The following FNIP1 variants were observed in gnomAD, a reference collection of about 807,000 sequenced individuals.
FNIP1 encodes the protein folliculin interacting protein 1, also known as folliculin-interacting protein 1.
In FNIP1, 40 loss-of-function variants were observed where a neutral mutation model predicts 124.5. That is an observed-to-expected ratio of 0.32 (90% CI 0.25 to 0.42). The LOEUF (loss-of-function observed/expected upper bound fraction) is 0.42. Among genes scored for constraint, FNIP1 ranks in the 10% least tolerant of loss-of-function variants. FNIP1 has a pLI of 1.00. For synonymous variants in FNIP1, 472 were observed against 470.6 expected (o/e 1.00, Z -0.04); for missense variants, 1,176 against 1,403.7 (o/e 0.84, Z 2.59).
intron 15 of FNIP1, among the ~76,000 whole-genome samples, chr5:131,665,822 C>G (rs1006544630): frequency 2.0e-5 from 3 of 151,772 alleles, no homozygotes; most frequent in Non-Finnish European, 4.4e-5. Context: ...AACTCTTGAC[C>G]TCATGATCTG....
intron 3 of FNIP1, among the ~76,000 whole-genome samples, chr5:131,727,537 T>C (rs888597922): frequency 2.0e-5 from 3 of 152,220 alleles, no homozygotes; most frequent in Non-Finnish European, 4.4e-5. Flanking sequence ...TTGGTAAATA[T>C]TCCTCTATCC....
At chr5:131,673,214 ATTTTTTGTATTTTTTT>A (rs1001058273) in intron 13 of FNIP1, among the ~76,000 whole-genome samples, 1 of 150,126 alleles carries the variant, frequency 6.7e-6, no homozygotes, top group Non-Finnish European at 1.5e-5. Flanking sequence ...TGCCTGGCTA[ATTTTTTGTATTTTTTT>A]TTTTTTGTAG....
chr5:131,767,451 A>G (rs956343862), intron 1 of FNIP1, among the ~76,000 whole-genome samples: 3 of 150,478 alleles, frequency 2.0e-5, no homozygotes, highest in Non-Finnish European at 4.4e-5. Context: ...AAAAAAAAAA[A>G]AAAAAGAAAA....
chr5:131,770,023 C>A (rs1771575609), intron 1 of FNIP1, among the ~76,000 whole-genome samples: 1 of 152,220 alleles, frequency 6.6e-6, no homozygotes, highest in Admixed American at 6.5e-5. Context: ...AGGTCTTCAA[C>A]AATCCGTATC....
At chr5:131,785,411 C>T (rs1038285824) in intron 1 of FNIP1, among the ~76,000 whole-genome samples, 2 of 151,490 alleles carry the variant, frequency 1.3e-5, no homozygotes, top group African/African-American at 2.4e-5. Flanking sequence ...AAAAATTGGC[C>T]GGGCGTGATG....
chr5:131,755,117 G>A (rs1009183811), intron 1 of FNIP1, among the ~76,000 whole-genome samples: 3 of 152,112 alleles, frequency 2.0e-5, no homozygotes, highest in African/African-American at 4.8e-5. Flanking sequence ...ATGTGCAACC[G>A]ATTGATGAAA....
At chr5:131,675,400 C>T (rs1393777867) in intron 13 of FNIP1, among the ~76,000 whole-genome samples, 1 of 152,134 alleles carries the variant, frequency 6.6e-6, no homozygotes, top group Non-Finnish European at 1.5e-5. Flanking sequence ...TCTTTACAGC[C>T]TCTGTGCTTT....
At chr5:131,713,941 G>GA (rs1769384703) in intron 6 of FNIP1, among the ~76,000 whole-genome samples, 3 of 152,298 alleles carry the variant, frequency 2.0e-5, no homozygotes, top group Admixed American at 6.5e-5. Flanking sequence ...ACTGCAGTTA[G>GA]AATATTCTTC....
chr5:131,651,081 T>C (rs1295127118), intron 16 of FNIP1, among the ~76,000 whole-genome samples: 1 of 148,624 alleles, frequency 6.7e-6, no homozygotes, highest in Non-Finnish European at 1.5e-5. Flanking sequence ...ATAGACTGGA[T>C]GGATTAAAAA....
intron 1 of FNIP1, among the ~76,000 whole-genome samples, chr5:131,765,259 C>A (rs982207263): frequency 1.1e-4 from 16 of 152,006 alleles, no homozygotes; most frequent in African/African-American, 3.9e-4. Context: ...ACTTTTCTTT[C>A]AGTTAATGGA....
chr5:131,764,063 A>C (rs1771337118), intron 1 of FNIP1, among the ~76,000 whole-genome samples: 1 of 151,924 alleles, frequency 6.6e-6, no homozygotes, highest in Non-Finnish European at 1.5e-5. Flanking sequence ...CTGGTTGTTT[A>C]AAAGCGTGTG....
intron 1 of FNIP1, among the ~76,000 whole-genome samples, chr5:131,785,870 T>A (rs545648084): frequency 1.3e-5 from 2 of 152,158 alleles, no homozygotes; most frequent in Admixed American, 6.5e-5. Flanking sequence ...ATATTTAAAT[T>A]ATTCACAAAT....
chr5:131,668,781 G>C (rs373873331), intron 15 of FNIP1, among the ~76,000 whole-genome samples: 1 of 152,198 alleles, frequency 6.6e-6, no homozygotes, highest in Non-Finnish European at 1.5e-5. Context: ...TCTGCTGTTA[G>C]GCATGAACAT....
At chr5:131,713,756 A>T (rs926017401) in intron 6 of FNIP1, among the ~76,000 whole-genome samples, 14 of 152,120 alleles carry the variant, frequency 9.2e-5, no homozygotes, top group Admixed American at 9.2e-4. Context: ...CTTTTGCCTC[A>T]CCTCTTCTAT....
chr5:131,768,481 A>T lies in FNIP1; in HGVS notation c.93-23791T>A, dbSNP rs867354928. 1.9e-3 allele frequency among the ~76,000 whole-genome samples: 276 copies of T among 148,664 alleles called. 4 individuals carry two copies. The highest frequency in any genetic ancestry group is 8.1e-3 in the South Asian group (38 of 4,706). On this transcript the variant is annotated intron_variant, in intron 1 of 17. Transcript: ENST00000510461. ...TCATACACAGTTTTTTTTTTTTTTTAAAAAGGGGGGAACTTGTATAATGTG... is the reference window on the plus strand; with the variant it reads ...TCATACACAGTTTTTTTTTTTTTTTTAAAAGGGGGGAACTTGTATAATGTG...
intron 15 of FNIP1, among the ~76,000 whole-genome samples, chr5:131,669,193 G>A (rs1303392372): frequency 6.6e-6 from 1 of 152,124 alleles, no homozygotes; most frequent in Non-Finnish European, 1.5e-5. Context: ...AAAAGGTGAA[G>A]AAATTAAATT....
intron 17 of FNIP1, among the ~76,000 whole-genome samples, chr5:131,646,025 T>C (rs1321476798): frequency 6.6e-6 from 1 of 152,184 alleles, no homozygotes; most frequent in African/African-American, 2.4e-5. Flanking sequence ...TGAATTTTGG[T>C]TACATTTATG....
At chr5:131,763,202 GGAGA>G (rs972501478) in intron 1 of FNIP1, among the ~76,000 whole-genome samples, 9 of 151,974 alleles carry the variant, frequency 5.9e-5, no homozygotes, top group African/African-American at 2.2e-4. Context: ...AAATGCTTGA[GGAGA>G]TAGATACCCC....
intron 15 of FNIP1, among the ~76,000 whole-genome samples, chr5:131,667,505 TG>T (rs1267107339): frequency 1.3e-5 from 2 of 152,212 alleles, no homozygotes; most frequent in African/African-American, 4.8e-5. Flanking sequence ...GGCTAACAAT[TG>T]ACTGTTGCTC....
Sources: gnomAD v4.1 joint callset for allele counts (sites outside exome capture counted in the v4.1 genomes callset) on GRCh38, gnomAD v4.1.1 for gene constraint, MANE v1.5 for transcripts, NCBI Gene and HGNC (gene_info 2026-07-23, HGNC 2026-07-21) for gene names.